Variants in PTPRD observed in about 807,000 individuals in gnomAD.
PTPRD encodes receptor-type tyrosine-protein phosphatase delta.
A neutral mutation model predicts 214.5 loss-of-function variants in PTPRD; 34 were observed. That is an observed-to-expected ratio of 0.16 (90% CI 0.12 to 0.21). The LOEUF is 0.21. Ranked by LOEUF, PTPRD falls within the 10% of genes least tolerant of loss-of-function variation. The pLI, the probability that PTPRD is intolerant of heterozygous loss-of-function variation, is 1.00. For missense variants in PTPRD, 2,545 were observed against 2,398.7 expected, an observed-to-expected ratio of 1.06 and a Z score of -1.27; for synonymous variants, 1,128 against 845.7, an observed-to-expected ratio of 1.33 and a Z score of -5.79.
In PTPRD at chr9:10,271,544, C is replaced by G. The variant is rs374533019; in HGVS notation, c.-545+69419G>C. On this transcript the variant is annotated intron_variant, in intron 3 of 45. Coordinates refer to ENST00000381196, the MANE Select transcript of PTPRD (RefSeq NM_002839.4). ...TAAATTCAATTGTTTCTTTTCTTTT[C>G]TTTTCTTTTTTTTTTTGAGACGGAA... 1.0e-4 allele frequency among the ~76,000 whole-genome samples: 4 copies of G among 39,232 alleles called. 1 individual carries two copies. The highest frequency in any genetic ancestry group is 4.0e-4 in the Non-Finnish European group (4 of 10,090). The allele number at this position is 39,232 out of a possible 152,430, so 25.7% of individuals were successfully genotyped here.
At chr9:10,065,777 G>A (rs938807073) in intron 3 of PTPRD, among the ~76,000 whole-genome samples, 2 of 151,822 alleles carry the variant, frequency 1.3e-5, no homozygotes, top group African/African-American at 4.8e-5. Flanking sequence ...CCAAAGAAAC[G>A]GGGAAGAAAA....
intron 2 of PTPRD, among the ~76,000 whole-genome samples, chr9:10,573,481 T>C (rs959878055): frequency 6.6e-6 from 1 of 152,080 alleles, no homozygotes; most frequent in African/African-American, 2.4e-5. Flanking sequence ...ACAGTATTTG[T>C]ATGGAGGAAG....
chr9:10,401,256 C>G (rs2098265088), intron 2 of PTPRD, among the ~76,000 whole-genome samples: 2 of 151,536 alleles, frequency 1.3e-5, no homozygotes, highest in Admixed American at 1.3e-4. Flanking sequence ...TTTAATACAG[C>G]AGTAGCATCG....
intron 12 of PTPRD, among the ~76,000 whole-genome samples, chr9:8,657,151 T>A (rs914261226): frequency 6.6e-6 from 1 of 151,254 alleles, no homozygotes; most frequent in Non-Finnish European, 1.5e-5. Context: ...TGTCTGTTCA[T>A]GTCTTTTGCC....
chr9:10,503,655 T>C (rs1178809448), intron 2 of PTPRD, among the ~76,000 whole-genome samples: 1 of 151,770 alleles, frequency 6.6e-6, no homozygotes, highest in African/African-American at 2.4e-5. Context: ...GTAAAGAAAA[T>C]AGACAAAACT....
Position 8,626,746 on chromosome 9 carries a change from A to G in PTPRD, c.352+6571T>C, listed in dbSNP as rs573649968. Among the ~76,000 whole-genome samples the G allele has an allele frequency of 2.6e-5, 4 of 151,660 alleles. No homozygotes were observed. In the South Asian group the frequency reaches 6.2e-4, roughly 24 times the overall value. ...CAGCTTTTTCATGCCTTTGGACCCA[A>G]TCTGAAACATCAGCTCTTCCTAGGT... is the stretch of plus-strand genomic sequence containing the variant. On this transcript the variant is annotated intron_variant, in intron 14 of 45. Coordinates refer to ENST00000381196, the MANE Select transcript of PTPRD (RefSeq NM_002839.4).
At chr9:10,256,344 T>A (rs1487598927) in intron 3 of PTPRD, among the ~76,000 whole-genome samples, 1 of 150,834 alleles carries the variant, frequency 6.6e-6, no homozygotes, top group East Asian at 1.9e-4. Context: ...GTCACTTTGA[T>A]AACAATGCCT....
At position 9,185,873 on chromosome 9, in the gene PTPRD, C is replaced by T. The variant is rs12237232; in HGVS notation, c.-202-2510G>A. ...ATAGACATTTTAGATAATTTTTTTTCTTTTTTTTTTTGCCTCTCAGACCAC... is the reference window on the plus strand; with the variant it reads ...ATAGACATTTTAGATAATTTTTTTTTTTTTTTTTTTTGCCTCTCAGACCAC... On this transcript the variant is annotated intron_variant, in intron 9 of 45. Transcript: ENST00000381196. Among the ~76,000 whole-genome samples the T allele has an allele frequency of 4.9e-4, 72 of 146,810 alleles. 5 individuals carry two copies. The highest frequency in any genetic ancestry group is 3.0e-3 in the East Asian group (15 of 4,978).
At chr9:9,917,302 G>GA (rs140708788) in intron 5 of PTPRD, among the ~76,000 whole-genome samples, 5,835 of 21,138 alleles carry the variant, frequency 0.28, 1,246 homozygotes, top group Non-Finnish European at 0.43. Context: ...TAGCTAGACT[G>GA]AAAAAAAAAA....
intron 11 of PTPRD, among the ~76,000 whole-genome samples, chr9:8,736,188 G>A (rs891961431): frequency 6.6e-6 from 1 of 152,162 alleles, no homozygotes; most frequent in Non-Finnish European, 1.5e-5. Flanking sequence ...GAATTAGGAA[G>A]GGAGGCAATG....
intron 8 of PTPRD, among the ~76,000 whole-genome samples, chr9:9,517,310 C>T (rs936241392): frequency 2.6e-5 from 4 of 151,914 alleles, no homozygotes; most frequent in African/African-American, 7.3e-5. Flanking sequence ...GGTAGGGAGA[C>T]GCCCTGGAAA....
In PTPRD at chr9:9,500,307, G is replaced by A. The variant is rs151142082; in HGVS notation, c.-237+74425C>T. 3.9e-5 allele frequency among the ~76,000 whole-genome samples: 6 copies of A among 152,044 alleles called. 1 individual carries two copies. Among genetic ancestry groups the A allele is most frequent in the African/African-American group, 7.2e-5 (3 of 41,408 alleles). ...TAAAGTAGCACACAACATATGAAGC[G>A]AGTATTTCAGGCACTGGACGATATG... On this transcript the variant is annotated intron_variant, in intron 8 of 45. Coordinates refer to ENST00000381196, the MANE Select transcript of PTPRD (RefSeq NM_002839.4).
At chr9:8,437,130 T>C in intron 34 of PTPRD, 1 of 1,160,184 alleles carries the variant, frequency 8.6e-7, no homozygotes, top group Non-Finnish European at 1.2e-6. Context: ...GAGAAAGGCC[T>C]AAAAGGGAAA....
chr9:10,073,017 C>A (rs2098058863), intron 3 of PTPRD, among the ~76,000 whole-genome samples: 1 of 151,954 alleles, frequency 6.6e-6, no homozygotes, highest in African/African-American at 2.4e-5. Flanking sequence ...GCTATTAAGC[C>A]ATACAAAATA....
intron 2 of PTPRD, among the ~76,000 whole-genome samples, chr9:10,555,943 G>A (rs970867330): frequency 1.7e-4 from 26 of 151,916 alleles, no homozygotes; most frequent in African/African-American, 6.0e-4. Flanking sequence ...GAAAATACAG[G>A]GAAATGTATG....
At chr9:8,910,025 AT>A (rs1235734856) in intron 11 of PTPRD, among the ~76,000 whole-genome samples, 1 of 151,654 alleles carries the variant, frequency 6.6e-6, no homozygotes, top group Non-Finnish European at 1.5e-5. Flanking sequence ...GTAGAAATTT[AT>A]TTATTTATTA....
intron 8 of PTPRD, among the ~76,000 whole-genome samples, chr9:9,413,183 C>T (rs1168553035): frequency 7.9e-6 from 1 of 125,900 alleles, no homozygotes; most frequent in South Asian, 2.7e-4. Flanking sequence ...GGCGCAATCT[C>T]GGCTCACTGC....
intron 39 of PTPRD, among the ~76,000 whole-genome samples, chr9:8,349,385 C>CT (rs1156793850): frequency 6.6e-6 from 1 of 152,124 alleles, no homozygotes; most frequent in East Asian, 1.9e-4. Context: ...CCAATTTACT[C>CT]TTTTTTTGTT....
chr9:10,471,905 A>T (rs1465427418), intron 2 of PTPRD, among the ~76,000 whole-genome samples: 1 of 152,120 alleles, frequency 6.6e-6, no homozygotes, highest in Non-Finnish European at 1.5e-5. Context: ...AAAACATCAT[A>T]AGATAATAAA....
Sources: gnomAD v4.1 joint callset for allele counts (sites outside exome capture counted in the v4.1 genomes callset) on GRCh38, gnomAD v4.1.1 for gene constraint, MANE v1.5 for transcripts, NCBI Gene and HGNC (gene_info 2026-07-23, HGNC 2026-07-21) for gene names.